Variants in FARS2 observed in about 807,000 individuals in gnomAD.
FARS2 encodes phenylalanine--tRNA ligase, mitochondrial.
In FARS2, 40 loss-of-function variants were observed where a neutral mutation model predicts 46.4. That is an observed-to-expected ratio of 0.86 (90% CI 0.67 to 1.12). FARS2 has a LOEUF of 1.12. Among genes scored for constraint, FARS2 ranks in the 50% most tolerant of loss-of-function variants. The pLI, the probability that FARS2 is intolerant of heterozygous loss-of-function variation, is 0.00. For missense variants in FARS2, 513 were observed against 567.9 expected (o/e 0.90, Z 0.98); for synonymous variants, 234 against 214.9 (o/e 1.09, Z -0.78).
intron 4 of FARS2, among the ~76,000 whole-genome samples, chr6:5,507,740 CA>C (rs1768183755): frequency 6.6e-6 from 1 of 152,202 alleles, no homozygotes; most frequent in South Asian, 2.1e-4. Flanking sequence ...GCTAGTGGGT[CA>C]GACTGCGGAC....
At chr6:5,602,685 A>G (rs1774602393) in intron 5 of FARS2, among the ~76,000 whole-genome samples, 1 of 143,912 alleles carries the variant, frequency 6.9e-6, no homozygotes, top group South Asian at 2.3e-4. Flanking sequence ...ACCTCCCAGG[A>G]TTTTAACCTT....
chr6:5,373,962 T>A (rs1206625363), intron 2 of FARS2, among the ~76,000 whole-genome samples: 1 of 152,122 alleles, frequency 6.6e-6, no homozygotes, highest in Admixed American at 6.6e-5. Context: ...GAGCACTGAC[T>A]AACTGAATAT....
intron 1 of FARS2, among the ~76,000 whole-genome samples, chr6:5,283,367 C>G (rs1349272446): frequency 7.1e-6 from 1 of 140,034 alleles, no homozygotes; most frequent in Non-Finnish European, 1.5e-5. Context: ...AAGTGAAACT[C>G]CTGTCTCAAA....
At chr6:5,748,523 A>G (rs1405264135) in intron 6 of FARS2, among the ~76,000 whole-genome samples, 2 of 152,256 alleles carry the variant, frequency 1.3e-5, no homozygotes, top group Non-Finnish European at 2.9e-5. Context: ...AATCAGGGAT[A>G]AGAGTAAAAA....
At chr6:5,414,916 A>G (rs2127738092) in intron 3 of FARS2, among the ~76,000 whole-genome samples, 1 of 150,500 alleles carries the variant, frequency 6.6e-6, no homozygotes, top group African/African-American at 2.4e-5. Flanking sequence ...CCTGGGTTCA[A>G]GCAATTCTCT....
At chr6:5,758,605 G>T (rs1446788249) in intron 6 of FARS2, among the ~76,000 whole-genome samples, 1 of 152,096 alleles carries the variant, frequency 6.6e-6, no homozygotes, top group Non-Finnish European at 1.5e-5. Flanking sequence ...TGCTTGTCTT[G>T]CTGCCTTTAC....
chr6:5,557,923 A>G (rs1324079482), intron 5 of FARS2, among the ~76,000 whole-genome samples: 1 of 152,100 alleles, frequency 6.6e-6, no homozygotes, highest in African/African-American at 2.4e-5. Context: ...CAGGGTCATT[A>G]TGGTGCATTC....
chr6:5,672,944 T>C (rs952607290), intron 6 of FARS2, among the ~76,000 whole-genome samples: 1 of 152,202 alleles, frequency 6.6e-6, no homozygotes, highest in Non-Finnish European at 1.5e-5. Flanking sequence ...CCTCTTTCTG[T>C]GACACCCTAG....
At chr6:5,320,937 G>A (rs1451433025) in intron 1 of FARS2, among the ~76,000 whole-genome samples, 1 of 152,132 alleles carries the variant, frequency 6.6e-6, no homozygotes, top group Non-Finnish European at 1.5e-5. Flanking sequence ...TGTTATAAGA[G>A]CATTAATCTC....
At chr6:5,734,054 G>C (rs933388271) in intron 6 of FARS2, among the ~76,000 whole-genome samples, 8 of 152,206 alleles carry the variant, frequency 5.3e-5, no homozygotes, top group African/African-American at 1.9e-4. Flanking sequence ...TGCTAAACTG[G>C]TGTAATAGCT....
chr6:5,704,511 A>G (rs1758623788), intron 6 of FARS2, among the ~76,000 whole-genome samples: 1 of 152,224 alleles, frequency 6.6e-6, no homozygotes, highest in South Asian at 2.1e-4. Context: ...CTGACATTTA[A>G]GTAAAAGAGT....
At chr6:5,319,736 G>T (rs1769832798) in intron 1 of FARS2, among the ~76,000 whole-genome samples, 1 of 152,122 alleles carries the variant, frequency 6.6e-6, no homozygotes, top group Non-Finnish European at 1.5e-5. Context: ...TCGAGTTGCT[G>T]GAGATCTCTA....
At chr6:5,302,450 C>T (rs1413379950) in intron 1 of FARS2, among the ~76,000 whole-genome samples, 1 of 152,190 alleles carries the variant, frequency 6.6e-6, no homozygotes, top group South Asian at 2.1e-4. Flanking sequence ...ATAGGCTAAT[C>T]AAGTACCTCT....
At chr6:5,705,118 T>C (rs1358268889) in intron 6 of FARS2, among the ~76,000 whole-genome samples, 5 of 152,226 alleles carry the variant, frequency 3.3e-5, no homozygotes, top group African/African-American at 9.6e-5. Context: ...CATTTGGTCA[T>C]TCAAGATGGA....
chr6:5,503,659 A>T (rs1338921755), intron 4 of FARS2, among the ~76,000 whole-genome samples: 3 of 152,166 alleles, frequency 2.0e-5, no homozygotes, highest in Non-Finnish European at 4.4e-5. Context: ...TTGTATCCAA[A>T]CGAGTTGTGA....
chr6:5,390,087 C>T (rs1760403952), intron 2 of FARS2, among the ~76,000 whole-genome samples: 1 of 152,142 alleles, frequency 6.6e-6, no homozygotes, highest in African/African-American at 2.4e-5. Context: ...TGGTCTTGAA[C>T]TCCTGGCCTC....
At chr6:5,270,613 A>G (rs1025130267) in intron 1 of FARS2, among the ~76,000 whole-genome samples, 1 of 152,158 alleles carries the variant, frequency 6.6e-6, no homozygotes, top group South Asian at 2.1e-4. Context: ...GTGGTCAGGT[A>G]TGTTCCTTAG....
At chr6:5,664,201 T>TGAAATTAG (rs1582700805) in intron 6 of FARS2, among the ~76,000 whole-genome samples, 2 of 152,352 alleles carry the variant, frequency 1.3e-5, no homozygotes, top group East Asian at 3.9e-4. Flanking sequence ...TGGTTTCATC[T>TGAAATTAG]CTATGCTAAT....
At chr6:5,416,471 C>A (rs979794397) in intron 3 of FARS2, among the ~76,000 whole-genome samples, 1 of 152,212 alleles carries the variant, frequency 6.6e-6, no homozygotes, top group African/African-American at 2.4e-5. Context: ...TCTGGACTCT[C>A]TATTCTGTTC....
Sources: gnomAD v4.1 joint callset for allele counts (sites outside exome capture counted in the v4.1 genomes callset) on GRCh38, gnomAD v4.1.1 for gene constraint, MANE v1.5 for transcripts, NCBI Gene and HGNC (gene_info 2026-07-23, HGNC 2026-07-21) for gene names.